Variants in PROCR observed in about 807,000 individuals in gnomAD.
PROCR encodes endothelial protein C receptor.
A neutral mutation model predicts 24.2 loss-of-function variants in PROCR; 22 were observed. The ratio of observed to expected loss-of-function variants is 0.91; its 90% CI spans 0.65 to 1.30. The LOEUF is 1.30. Among genes scored for constraint, PROCR ranks in the 50% most tolerant of loss-of-function variants. The probability of loss-of-function intolerance (pLI) is 0.00; values close to 1 mark genes in which losing one functional copy is unlikely to be tolerated. For missense variants in PROCR, 288 were observed against 307.7 expected (o/e 0.94, Z 0.48); for synonymous variants, 137 against 139.2 (o/e 0.98, Z 0.11).
chr20:35,205,783 A>ATATATATATG (rs1555791723), intron 1 of PROCR, among the ~76,000 whole-genome samples: 1 of 137,882 alleles, frequency 7.3e-6, no homozygotes, highest in South Asian at 2.3e-4. Flanking sequence ...ATATATATAT[A>ATATATATATG]TATATGTATA....
At chr20:35,190,821 G>A (rs188524163) in intron 1 of PROCR, among the ~76,000 whole-genome samples, 35 of 152,236 alleles carry the variant, frequency 2.3e-4, no homozygotes, top group South Asian at 1.9e-3. Flanking sequence ...GCATGTGACC[G>A]TCCTACATAT....
At chr20:35,205,240 T>C (rs2060333595) in intron 1 of PROCR, among the ~76,000 whole-genome samples, 1 of 150,896 alleles carries the variant, frequency 6.6e-6, no homozygotes. Flanking sequence ...ACCACTGTAC[T>C]CCAGCTTGGG....
chr20:35,174,158 G>A (rs547759773), intron 1 of PROCR, among the ~76,000 whole-genome samples: 34 of 152,294 alleles, frequency 2.2e-4, no homozygotes, highest in Non-Finnish European at 2.5e-4. Flanking sequence ...CATTGGCTAT[G>A]ATTATTTTTG....
chr20:35,179,693 C>A (rs1313955673), downstream of PROCR, among the ~76,000 whole-genome samples: 1 of 152,158 alleles, frequency 6.6e-6, no homozygotes, highest in Non-Finnish European at 1.5e-5. Flanking sequence ...TATTATCTAT[C>A]TCCCCAAATC....
chr20:35,171,398 G>A (rs751555414), upstream of PROCR, among the ~76,000 whole-genome samples: 4 of 152,092 alleles, frequency 2.6e-5, no homozygotes, highest in Non-Finnish European at 4.4e-5. Flanking sequence ...TGGTAACCAT[G>A]ACCTGCTAAA....
At chr20:35,174,428 G>C in intron 1 of PROCR, 1 of 513,322 alleles carries the variant, frequency 1.9e-6, no homozygotes, top group Middle Eastern at 5.4e-4. Context: ...AACGGGGGGA[G>C]GGAGAGCCGA....
intron 1 of PROCR, among the ~76,000 whole-genome samples, chr20:35,189,586 G>A (rs527283670): frequency 6.5e-4 from 99 of 152,080 alleles, no homozygotes; most frequent in African/African-American, 2.3e-3. Flanking sequence ...CACCCTATTC[G>A]TACACTCCCT....
chr20:35,196,520 A>T (rs1481144315), intron 1 of PROCR, among the ~76,000 whole-genome samples: 1 of 152,178 alleles, frequency 6.6e-6, no homozygotes, highest in Non-Finnish European at 1.5e-5. Flanking sequence ...AATTCTTATG[A>T]CTGTAGATTT....
At chr20:35,191,864 T>G (rs1457528361) in intron 1 of PROCR, among the ~76,000 whole-genome samples, 1 of 152,212 alleles carries the variant, frequency 6.6e-6, no homozygotes, top group Non-Finnish European at 1.5e-5. Context: ...TGACGTGATT[T>G]GACTTGCATT....
intron 1 of PROCR, among the ~76,000 whole-genome samples, chr20:35,187,723 C>T (rs568561333): frequency 4.6e-5 from 7 of 152,282 alleles, no homozygotes; most frequent in Admixed American, 2.0e-4. Context: ...CTTATGCTTA[C>T]GTATGTGAAT....
chr20:35,213,270 T>C (rs1204270940), intron 1 of PROCR, among the ~76,000 whole-genome samples: 1 of 152,082 alleles, frequency 6.6e-6, no homozygotes. Context: ...GAAGCAGAGG[T>C]TGCAGTGAGT....
chr20:35,213,455 AT>A (rs1262469336), intron 1 of PROCR, among the ~76,000 whole-genome samples: 10 of 152,218 alleles, frequency 6.6e-5, no homozygotes, highest in Non-Finnish European at 1.2e-4. Flanking sequence ...CGTTAAAAAA[AT>A]AATAATAAAT....
intron 1 of PROCR, among the ~76,000 whole-genome samples, chr20:35,205,646 G>A (rs182773010): frequency 2.0e-3 from 296 of 149,876 alleles, no homozygotes; most frequent in Admixed American, 5.3e-3. Flanking sequence ...AGCTACTCGG[G>A]AGGCTGAGGC....
chr20:35,176,498 GAC>G (rs1398025116), intron 3 of PROCR, 52 bp downstream of exon 3: 1 of 1,607,540 alleles, frequency 6.2e-7, no homozygotes, highest in Non-Finnish European at 8.5e-7. Flanking sequence ...GCGGGTTCCA[GAC>G]AAATGGATGG....
At chr20:35,214,289 T>G (rs2060372752) in intron 1 of PROCR, among the ~76,000 whole-genome samples, 1 of 152,112 alleles carries the variant, frequency 6.6e-6, no homozygotes, top group Non-Finnish European at 1.5e-5. Context: ...GCCTACAATA[T>G]CCAGGATTCT....
chr20:35,204,304 G>C (rs2060329501), intron 1 of PROCR, among the ~76,000 whole-genome samples: 1 of 152,014 alleles, frequency 6.6e-6, no homozygotes, highest in Non-Finnish European at 1.5e-5. Context: ...CCAATGTAGA[G>C]AAGAAAACTC....
intron 1 of PROCR, among the ~76,000 whole-genome samples, chr20:35,207,392 G>GTATA (rs11471756): frequency 0.011 from 1,609 of 146,056 alleles, 12 homozygotes; most frequent in Middle Eastern, 0.043. Context: ...GTATGTTTGT[G>GTATA]TATATATATA....
chr20:35,184,561 G>A (rs1388550331), intron 1 of PROCR, among the ~76,000 whole-genome samples: 11 of 152,120 alleles, frequency 7.2e-5, no homozygotes, highest in Non-Finnish European at 1.2e-4. Flanking sequence ...TTAGCTGGGC[G>A]TGGTGGCGGG....
intron 1 of PROCR, among the ~76,000 whole-genome samples, chr20:35,183,137 CATTTT>C (rs764220877): frequency 1.3e-5 from 2 of 152,150 alleles, no homozygotes; most frequent in Non-Finnish European, 2.9e-5. Context: ...TAGATATAAT[CATTTT>C]AGATTAGGAG....
Sources: allele counts gnomAD v4.1 joint callset (sites outside exome capture counted in the v4.1 genomes callset), GRCh38; gene constraint gnomAD v4.1.1; transcripts MANE v1.5; gene names NCBI Gene and HGNC (gene_info 2026-07-23, HGNC 2026-07-21).